Variants in TXK observed in about 807,000 individuals in gnomAD.
The protein encoded by TXK is TXK tyrosine kinase.
Under a neutral mutation model 81.0 loss-of-function variants are expected in TXK, and 60 were observed. That is an observed-to-expected ratio of 0.74 (90% CI 0.60 to 0.92). The LOEUF is 0.92. TXK is among the 40% of genes least tolerant of loss of function. TXK has a pLI of 0.00. For missense variants in TXK, 581 were observed against 638.3 expected, an observed-to-expected ratio of 0.91 and a Z score of 0.97; for synonymous variants, 203 against 210.7, an observed-to-expected ratio of 0.96 and a Z score of 0.32.
chr4:48,110,820 T>C (rs900418021), intron 4 of TXK, among the ~76,000 whole-genome samples: 1 of 152,158 alleles, frequency 6.6e-6, no homozygotes, highest in African/African-American at 2.4e-5. Flanking sequence ...ATGTGAGTAG[T>C]TTAAGAGGTT....
chr4:48,091,183 T>C (rs1403262531), intron 8 of TXK, among the ~76,000 whole-genome samples: 1 of 152,174 alleles, frequency 6.6e-6, no homozygotes, highest in Non-Finnish European at 1.5e-5. Context: ...CTTGACACAT[T>C]GTTGGACTCG....
At chr4:48,090,289 A>G (rs1184251740) in intron 8 of TXK, among the ~76,000 whole-genome samples, 1 of 152,212 alleles carries the variant, frequency 6.6e-6, no homozygotes, top group Non-Finnish European at 1.5e-5. Flanking sequence ...ATGTCCTTGA[A>G]CATACATTTG....
intron 10 of TXK, among the ~76,000 whole-genome samples, chr4:48,084,451 A>G (rs867846317): frequency 1.3e-5 from 2 of 152,162 alleles, no homozygotes; most frequent in Admixed American, 1.3e-4. Context: ...GACATTAAAC[A>G]TCTTCAATTC....
intron 11 of TXK, among the ~76,000 whole-genome samples, chr4:48,078,102 G>T (rs62301690): frequency 6.6e-6 from 1 of 152,258 alleles, no homozygotes; most frequent in Admixed American, 6.5e-5. Context: ...ATTGTAATGC[G>T]CACCAAAGTC....
At chr4:48,088,960 G>T (rs1717642659) in intron 9 of TXK, among the ~76,000 whole-genome samples, 1 of 152,084 alleles carries the variant, frequency 6.6e-6, no homozygotes, top group African/African-American at 2.4e-5. Context: ...GGATTCCCTG[G>T]CACTTACGTA....
chr4:48,129,598 G>C (rs763309247), intron 1 of TXK, among the ~76,000 whole-genome samples: 1 of 152,164 alleles, frequency 6.6e-6, no homozygotes, highest in African/African-American at 2.4e-5. Flanking sequence ...AAAAGGTGCT[G>C]TAAGGAAAGG....
intron 1 of TXK, among the ~76,000 whole-genome samples, chr4:48,131,187 T>C (rs925763577): frequency 6.6e-6 from 1 of 152,092 alleles, no homozygotes; most frequent in Non-Finnish European, 1.5e-5. Flanking sequence ...AAATCTCCCA[T>C]CAGTATGATC....
rs182265291 is a variant in TXK at position 48,082,607 on chromosome 4, T to A, written c.957-2479A>T. On this transcript the variant is annotated intron_variant, in intron 10 of 14. Transcript: ENST00000264316. ...AAATACTGGGTAGAAGATGACAGTT[T>A]CCCCAGGAAAGTCCTCACCCTCAAG... Among the ~76,000 whole-genome samples, 559 of 152,218 alleles carry A rather than the reference T, an allele frequency of 3.7e-3. 1 individual carries two copies. Among genetic ancestry groups the A allele is most frequent in the African/African-American group, 0.013 (541 of 41,546 alleles).
intron 6 of TXK, among the ~76,000 whole-genome samples, chr4:48,100,171 CAAAAAAAAAA>C (rs11341305): frequency 5.6e-5 from 3 of 53,950 alleles, no homozygotes; most frequent in Non-Finnish European, 6.2e-5. Context: ...GACTCCATCT[CAAAAAAAAAA>C]AAAAAAAAAA....
intron 11 of TXK, among the ~76,000 whole-genome samples, chr4:48,079,587 G>A (rs567905613): frequency 1.3e-5 from 2 of 152,180 alleles, no homozygotes; most frequent in East Asian, 1.9e-4. Flanking sequence ...CCATATGCTC[G>A]GGGAGACTGA....
intron 10 of TXK, 105 bp downstream of exon 10, chr4:48,086,361 G>T: frequency 8.4e-7 from 1 of 1,195,750 alleles, no homozygotes; most frequent in Non-Finnish European, 1.2e-6. Flanking sequence ...ATGAGCTTGA[G>T]CAAAGTTGTG....
At chr4:48,124,759 C>CT (rs2109484501) in intron 1 of TXK, among the ~76,000 whole-genome samples, 1 of 152,260 alleles carries the variant, frequency 6.6e-6, no homozygotes, top group South Asian at 2.1e-4. Context: ...TAAACAAATG[C>CT]TTATCCAAAA....
chr4:48,104,115 T>C (rs1029270153), intron 6 of TXK, among the ~76,000 whole-genome samples: 3 of 144,166 alleles, frequency 2.1e-5, no homozygotes, highest in East Asian at 2.0e-4. Flanking sequence ...GGTGGGAGGA[T>C]AGCTTTAAGC....
intron 1 of TXK, among the ~76,000 whole-genome samples, chr4:48,118,238 G>A (rs935675656): frequency 2.6e-5 from 4 of 152,176 alleles, no homozygotes; most frequent in Admixed American, 1.3e-4. Flanking sequence ...ACCTCTGAAT[G>A]AGGCTATAGT....
rs538378453 is a variant in TXK at position 48,116,878 on chromosome 4, T to C, written c.17-2476A>G. Among the ~76,000 whole-genome samples, 301 of 151,946 alleles carry C rather than the reference T, an allele frequency of 2.0e-3. 1 individual carries two copies. Among genetic ancestry groups the C allele is most frequent in the African/African-American group, 6.8e-3 (284 of 41,466 alleles). On this transcript the variant is annotated intron_variant, in intron 1 of 14. Transcript: ENST00000264316. ...ATCCAGCACAGTCCACCCCTCAGCA[T>C]CCATTTTTTGTTTCTTTTTTTTCAG...
chr4:48,069,313 A>G (rs1217518484), intron 14 of TXK, among the ~76,000 whole-genome samples: 3 of 54,534 alleles, frequency 5.5e-5, no homozygotes, highest in African/African-American at 1.4e-4. Flanking sequence ...AAAATAAATC[A>G]ATCTTTTCTT....
intron 1 of TXK, among the ~76,000 whole-genome samples, chr4:48,130,042 T>G (rs1245593577): frequency 6.6e-6 from 1 of 152,112 alleles, no homozygotes; most frequent in Non-Finnish European, 1.5e-5. Flanking sequence ...TCTGCAGTAG[T>G]TACAAAAGGC....
intron 14 of TXK, among the ~76,000 whole-genome samples, chr4:48,070,560 T>C (rs939709569): frequency 2.6e-5 from 4 of 152,184 alleles, no homozygotes; most frequent in Non-Finnish European, 5.9e-5. Flanking sequence ...ATTAATTCTT[T>C]TATTTATTTG....
intron 1 of TXK, among the ~76,000 whole-genome samples, chr4:48,121,664 A>C (rs868646562): frequency 1.3e-5 from 2 of 152,150 alleles, no homozygotes; most frequent in African/African-American, 4.8e-5. Flanking sequence ...TTGTTACACT[A>C]TATTGTTTAG....
Sources: allele counts gnomAD v4.1 joint callset (sites outside exome capture counted in the v4.1 genomes callset), GRCh38; gene constraint gnomAD v4.1.1; transcripts MANE v1.5; gene names NCBI Gene and HGNC (gene_info 2026-07-23, HGNC 2026-07-21).